The following AMOTL1 variants were observed in gnomAD, a reference collection of about 807,000 sequenced individuals.
The protein encoded by AMOTL1 is angiomotin-like protein 1.
Under a neutral mutation model 102.9 loss-of-function variants are expected in AMOTL1, and 45 were observed. The observed-to-expected ratio is 0.44, with a 90% CI of 0.34 to 0.56. AMOTL1 has a LOEUF of 0.56. Ranked by LOEUF, AMOTL1 falls within the 20% of genes least tolerant of loss-of-function variation. The pLI is 0.01. For missense variants in AMOTL1, 1,114 were observed against 1,225.6 expected, an observed-to-expected ratio of 0.91 and a Z score of 1.36; for synonymous variants, 481 against 484.7, an observed-to-expected ratio of 0.99 and a Z score of 0.10.
intron 1 of AMOTL1, among the ~76,000 whole-genome samples, chr11:94,780,011 TC>T (rs1209621489): frequency 6.6e-6 from 1 of 152,222 alleles, no homozygotes; most frequent in African/African-American, 2.4e-5. Context: ...TCCTATGTTG[TC>T]AGTGAAAGGA....
chr11:94,797,276 C>A (rs1951386681), intron 2 of AMOTL1, among the ~76,000 whole-genome samples: 1 of 152,122 alleles, frequency 6.6e-6, no homozygotes, highest in African/African-American at 2.4e-5. Context: ...TAAGGTCATG[C>A]CAGTAGTTAG....
chr11:94,825,003 C>G (rs903498459), intron 4 of AMOTL1, among the ~76,000 whole-genome samples: 3 of 152,182 alleles, frequency 2.0e-5, no homozygotes, highest in African/African-American at 7.2e-5. Flanking sequence ...CAAAGAGGCT[C>G]AAGGTAGTGA....
At chr11:94,747,069 G>A (rs774294956) in intron 3 of AMOTL1, among the ~76,000 whole-genome samples, 2 of 151,630 alleles carry the variant, frequency 1.3e-5, no homozygotes, top group Non-Finnish European at 2.9e-5. Flanking sequence ...TTATTCCTGG[G>A]GCTTATCCAG....
In AMOTL1 at chr11:94,822,439, TAAATA is replaced by T. The variant is rs553801749; in HGVS notation, c.1413+622_1413+626del. ...GAGACCCTGTCTCAAAAATAAAAAA[TAAATA>T]AAACCACAGAGAAATGAAGTGAGAG... On this transcript the variant is annotated intron_variant, in intron 4 of 12. Coordinates refer to ENST00000433060, the MANE Select transcript of AMOTL1 (RefSeq NM_130847.3). Among the ~76,000 whole-genome samples the T allele has an allele frequency of 6.9e-5, 10 of 145,714 alleles. No individual in the cohort carries two copies. The East Asian group carries it at 1.7e-3, about 25-fold the overall frequency.
chr11:94,746,077 C>A (rs1186185363), intron 3 of AMOTL1, among the ~76,000 whole-genome samples: 1 of 152,046 alleles, frequency 6.6e-6, no homozygotes, highest in Non-Finnish European at 1.5e-5. Flanking sequence ...ACTATTGGCT[C>A]CTTGGGGGAT....
chr11:94,859,608 G>T lies in AMOTL1; in HGVS notation c.2028G>T (p.Arg676=). 7 of 1,613,962 alleles carry T rather than the reference G, an allele frequency of 4.3e-6. No homozygotes were observed. Among genetic ancestry groups the T allele is most frequent in the Non-Finnish European group, 5.1e-6 (6 of 1,179,854 alleles). The change falls in exon 9 of 13, where the codon CGG becomes CGT. Residue 676 remains arginine (R), a synonymous_variant. Coordinates refer to ENST00000433060, the MANE Select transcript of AMOTL1 (RefSeq NM_130847.3). ...AACTTGTGCGGGAGAAGGAGGAGCG[G>T]ATCCTGGCCCTGGAGGCCGACATGA... ...LLELVREKEE[R]ILALEADMTK... is the part of the protein sequence containing the mutation.
intron 3 of AMOTL1, among the ~76,000 whole-genome samples, chr11:94,811,532 G>T (rs567000165): frequency 6.6e-6 from 1 of 150,520 alleles, no homozygotes; most frequent in African/African-American, 2.5e-5. Context: ...CCTTTTGCTG[G>T]CTGTCATTTT....
chr11:94,841,881 T>C (rs1952309731), intron 6 of AMOTL1, among the ~76,000 whole-genome samples: 1 of 152,362 alleles, frequency 6.6e-6, no homozygotes. Context: ...GAGAAAATTG[T>C]ATTTAAGAGA....
At chr11:94,782,081 G>A (rs576171388) in intron 1 of AMOTL1, among the ~76,000 whole-genome samples, 4 of 152,106 alleles carry the variant, frequency 2.6e-5, no homozygotes, top group South Asian at 2.1e-4. Flanking sequence ...AAGTGCTTCC[G>A]CTGCAAACTG....
At chr11:94,767,649 C>T (rs1002749858), upstream of AMOTL1, among the ~76,000 whole-genome samples, 4 of 152,130 alleles carry the variant, frequency 2.6e-5, no homozygotes, top group African/African-American at 9.7e-5. Context: ...TCCAGAGAGC[C>T]GCCAGTATAA....
intron 1 of AMOTL1, among the ~76,000 whole-genome samples, chr11:94,722,457 G>A (rs1950188810): frequency 6.6e-6 from 1 of 152,070 alleles, no homozygotes; most frequent in South Asian, 2.1e-4. Context: ...TCTGTACTAG[G>A]TAAATTACAG....
At chr11:94,740,813 G>GA (rs1950510782) in intron 2 of AMOTL1, 2 of 722,894 alleles carry the variant, frequency 2.8e-6, no homozygotes, top group Non-Finnish European at 4.2e-6. Context: ...CCGGCTCAGG[G>GA]ATTCTGAGCG....
intron 4 of AMOTL1, among the ~76,000 whole-genome samples, chr11:94,824,572 A>AT: frequency 6.6e-6 from 1 of 152,320 alleles, no homozygotes; most frequent in South Asian, 2.1e-4. Flanking sequence ...GTGACGTAAC[A>AT]TTTTGTGCCT....
chr11:94,834,417 C>G (rs1174273292), intron 6 of AMOTL1, among the ~76,000 whole-genome samples: 1 of 152,064 alleles, frequency 6.6e-6, no homozygotes, highest in Non-Finnish European at 1.5e-5. Context: ...GAAACCCTGT[C>G]TCTACTAAAA....
intron 1 of AMOTL1, among the ~76,000 whole-genome samples, chr11:94,723,156 G>A (rs1950200640): frequency 6.6e-6 from 1 of 152,136 alleles, no homozygotes; most frequent in South Asian, 2.1e-4. Flanking sequence ...CTGAGCCTGA[G>A]TATGGCCATG....
At chr11:94,788,759 C>A (rs575950143) in intron 1 of AMOTL1, among the ~76,000 whole-genome samples, 2 of 152,320 alleles carry the variant, frequency 1.3e-5, no homozygotes, top group East Asian at 3.9e-4. Flanking sequence ...TCAATTGTTA[C>A]TTTAAAGGTT....
chr11:94,863,771 TGTTA>T (rs371656569), intron 9 of AMOTL1, among the ~76,000 whole-genome samples: 58 of 152,362 alleles, frequency 3.8e-4, no homozygotes, highest in African/African-American at 1.3e-3. Flanking sequence ...TACTAATCAT[TGTTA>T]GTTAGTAGTA....
intron 4 of AMOTL1, among the ~76,000 whole-genome samples, chr11:94,828,224 T>A (rs1435201028): frequency 6.6e-6 from 1 of 152,206 alleles, no homozygotes; most frequent in Admixed American, 6.5e-5. Flanking sequence ...TTGTATTTGC[T>A]TTCTTTCTTC....
chr11:94,769,252 G>A (rs1368575134), intron 1 of AMOTL1, among the ~76,000 whole-genome samples: 1 of 152,172 alleles, frequency 6.6e-6, no homozygotes, highest in Non-Finnish European at 1.5e-5. Flanking sequence ...TTTCCAAATG[G>A]AACTGTTTTT....
Sources: gnomAD v4.1 joint callset for allele counts (sites outside exome capture counted in the v4.1 genomes callset) on GRCh38, gnomAD v4.1.1 for gene constraint, MANE v1.5 for transcripts, NCBI Gene and HGNC (gene_info 2026-07-23, HGNC 2026-07-21) for gene names.